The following TJP1 variants were observed in gnomAD, a reference collection of about 807,000 sequenced individuals.
The protein encoded by TJP1 is tight junction protein ZO-1.
A neutral mutation model predicts 194.2 loss-of-function variants in TJP1; 43 were observed. The ratio of observed to expected loss-of-function variants is 0.22; its 90% confidence interval spans 0.17 to 0.29. The LOEUF (loss-of-function observed/expected upper bound fraction) is 0.29. Among genes scored for constraint, TJP1 ranks in the 10% least tolerant of loss-of-function variants. The pLI, the probability that TJP1 is intolerant of heterozygous loss-of-function variation, is 1.00. For synonymous variants in TJP1, 801 were observed against 779.0 expected (o/e 1.03, Z -0.47); for missense variants, 1,971 against 2,185.7 (o/e 0.90, Z 1.96).
At chr15:29,855,731 C>T (rs1261524945) in intron 2 of TJP1, among the ~76,000 whole-genome samples, 1 of 152,076 alleles carries the variant, frequency 6.6e-6, no homozygotes, top group Admixed American at 6.6e-5. Flanking sequence ...TGGCACGCGC[C>T]TGTAATCCCA....
chr15:29,908,638 G>A (rs77751610), intron 2 of TJP1, among the ~76,000 whole-genome samples: 2 of 152,148 alleles, frequency 1.3e-5, no homozygotes, highest in African/African-American at 4.8e-5. Context: ...ATTAGCAGAC[G>A]CCAGTTATGG....
intron 1 of TJP1, among the ~76,000 whole-genome samples, chr15:29,802,452 A>T (rs1029699206): frequency 2.6e-5 from 4 of 152,110 alleles, no homozygotes; most frequent in African/African-American, 9.7e-5. Flanking sequence ...GAGAGAAAGG[A>T]TCTCTCTGTT....
At chr15:29,961,658 A>C (rs1488689917) in intron 1 of TJP1, among the ~76,000 whole-genome samples, 1 of 151,900 alleles carries the variant, frequency 6.6e-6, no homozygotes, top group African/African-American at 2.4e-5. Context: ...TCCTACCCCT[A>C]CCGGATGAAC....
At chr15:29,908,883 G>T (rs12898501) in intron 2 of TJP1, among the ~76,000 whole-genome samples, 2 of 151,750 alleles carry the variant, frequency 1.3e-5, no homozygotes, top group Non-Finnish European at 2.9e-5. Flanking sequence ...GGCCGGGCGC[G>T]GTGGCTCACG....
chr15:29,877,547 TTTTC>T (rs973453779), intron 2 of TJP1, among the ~76,000 whole-genome samples: 10 of 152,060 alleles, frequency 6.6e-5, no homozygotes, highest in African/African-American at 9.7e-5. Flanking sequence ...TTCTCTTCTC[TTTTC>T]TTTCTTTCTT....
Position 29,773,916 on chromosome 15 carries a change from A to G in TJP1, c.85-559T>C, listed in dbSNP as rs45554141. Among the ~76,000 whole-genome samples, 36 of 152,336 alleles carry G rather than the reference A, an allele frequency of 2.4e-4. No individual in the cohort carries two copies. In the East Asian group the frequency reaches 5.2e-3, roughly 22 times the overall value. Reference sequence around the variant, plus strand: ...CATATTGAACTAACATTGTAAAATTACCTTTTTAAAAAACTAAATTATAAT... The same window carrying G: ...CATATTGAACTAACATTGTAAAATTGCCTTTTTAAAAAACTAAATTATAAT... On this transcript the variant is annotated intron_variant, in intron 2 of 27. Coordinates refer to ENST00000614355, the MANE Select transcript of TJP1 (RefSeq NM_001330239.4).
chr15:29,748,222 TTAA>T (rs749126675), intron 8 of TJP1, among the ~76,000 whole-genome samples: 22 of 152,352 alleles, frequency 1.4e-4, no homozygotes, highest in Non-Finnish European at 2.5e-4. Context: ...ATCTAAGTTA[TTAA>T]TGAGGTATTT....
intron 1 of TJP1, among the ~76,000 whole-genome samples, chr15:29,813,727 T>C (rs1379349032): frequency 6.6e-6 from 1 of 152,162 alleles, no homozygotes; most frequent in South Asian, 2.1e-4. Flanking sequence ...AGAAAAGGCA[T>C]GTTAGGGATT....
At chr15:29,853,964 T>C (rs1429504447) in intron 2 of TJP1, among the ~76,000 whole-genome samples, 1 of 152,066 alleles carries the variant, frequency 6.6e-6, no homozygotes, top group African/African-American at 2.4e-5. Flanking sequence ...TCGCTATACT[T>C]TCACCGCATC....
intron 22 of TJP1, among the ~76,000 whole-genome samples, chr15:29,717,344 T>A (rs1450560272): frequency 6.6e-6 from 1 of 152,232 alleles, no homozygotes; most frequent in African/African-American, 2.4e-5. Flanking sequence ...TTAAGTAAAT[T>A]CATATTAGAC....
intron 8 of TJP1, among the ~76,000 whole-genome samples, chr15:29,745,567 G>C (rs2044716713): frequency 6.6e-6 from 1 of 152,218 alleles, no homozygotes; most frequent in South Asian, 2.1e-4. Context: ...ACTTGCACAG[G>C]AAAAGATATT....
At chr15:29,773,108 T>C in intron 3 of TJP1, 125 bp downstream of exon 3, 1 of 1,156,902 alleles carries the variant, frequency 8.6e-7, no homozygotes, top group South Asian at 2.1e-5. Flanking sequence ...GAAAAATATA[T>C]GAAGCATGGC....
intron 23 of TJP1, among the ~76,000 whole-genome samples, chr15:29,711,414 G>A (rs2042236610): frequency 6.6e-6 from 1 of 152,102 alleles, no homozygotes. Context: ...CGCCCAGACT[G>A]GAGTGCAGTG....
intron 2 of TJP1, among the ~76,000 whole-genome samples, chr15:29,949,278 C>T (rs2055433056): frequency 1.8e-5 from 2 of 109,418 alleles, no homozygotes; most frequent in African/African-American, 4.2e-5. Context: ...ACCTCCATCA[C>T]CTCCACCGCC....
At chr15:29,951,414 C>T (rs58135768) in intron 2 of TJP1, among the ~76,000 whole-genome samples, 8,633 of 152,116 alleles carry the variant, frequency 0.057, 744 homozygotes, top group African/African-American at 0.19. Context: ...AAGATCCACC[C>T]GCCTCGGCCT....
At position 29,719,155 on chromosome 15, in the gene TJP1, C is replaced by T. The variant is rs969966552; in HGVS notation, c.3004-17G>A. 1 of 1,553,466 alleles carries T rather than the reference C, an allele frequency of 6.4e-7. No homozygotes were observed. Among genetic ancestry groups the T allele is most frequent in the Non-Finnish European group, 8.7e-7 (1 of 1,155,266 alleles). On this transcript the variant is annotated splice_polypyrimidine_tract_variant and intron_variant, in intron 20 of 27. Coordinates refer to ENST00000614355, the MANE Select transcript of TJP1 (RefSeq NM_001330239.4). ...TCTATACACCTGTATAAAAAATTCA[C>T]ATTTAAGGACAAAGTCTTGTTTCTA...
intron 2 of TJP1, among the ~76,000 whole-genome samples, chr15:29,868,065 A>AG (rs985460161): frequency 2.6e-5 from 4 of 151,326 alleles, no homozygotes; most frequent in Non-Finnish European, 5.9e-5. Flanking sequence ...CTCAAAAAAA[A>AG]AAAAAAAAAA....
chr15:29,926,380 G>C (rs1001917253), intron 2 of TJP1, among the ~76,000 whole-genome samples: 1 of 152,172 alleles, frequency 6.6e-6, no homozygotes, highest in African/African-American at 2.4e-5. Flanking sequence ...GGGAGACCGA[G>C]GCAGGTGGAT....
At chr15:29,731,650 T>C (rs1486852715) in intron 15 of TJP1, among the ~76,000 whole-genome samples, 1 of 152,032 alleles carries the variant, frequency 6.6e-6, no homozygotes, top group Non-Finnish European at 1.5e-5. Context: ...CTTCATTGGG[T>C]TTTATAGTGG....
Sources: allele counts gnomAD v4.1 joint callset (sites outside exome capture counted in the v4.1 genomes callset), GRCh38; gene constraint gnomAD v4.1.1; transcripts MANE v1.5; gene names NCBI Gene and HGNC (gene_info 2026-07-23, HGNC 2026-07-21).